The following MCUB variants were observed in gnomAD, a reference collection of about 807,000 sequenced individuals.
The protein encoded by MCUB is calcium uniporter regulatory subunit MCUb, mitochondrial.
A neutral mutation model predicts 41.4 loss-of-function variants in MCUB; 46 were observed. The observed-to-expected ratio is 1.11, with a 90% confidence interval of 0.88 to 1.42. MCUB has a LOEUF of 1.42. Ranked by LOEUF, MCUB falls within the 40% of genes most tolerant of loss-of-function variation. The pLI is 0.00. For missense variants in MCUB, 403 were observed against 404.9 expected (o/e 1.00, Z 0.04); for synonymous variants, 148 against 148.2 (o/e 1.00, Z 0.01).
chr4:109,675,272 C>T (rs1197244171), intron 4 of MCUB, among the ~76,000 whole-genome samples: 3 of 152,198 alleles, frequency 2.0e-5, no homozygotes, highest in Admixed American at 6.5e-5. Context: ...ATAAACATTT[C>T]GTGCCACTTG....
intron 2 of MCUB, 61 bp from the exon 3 acceptor site, chr4:109,660,134 G>A: frequency 1.2e-6 from 1 of 825,380 alleles, no homozygotes; most frequent in Non-Finnish European, 1.9e-6. Context: ...TAGAATTCTT[G>A]TATTTATGGT....
intron 3 of MCUB, among the ~76,000 whole-genome samples, chr4:109,661,894 G>A (rs1050148003): frequency 1.3e-5 from 2 of 152,164 alleles, no homozygotes; most frequent in African/African-American, 2.4e-5. Context: ...TTAGCCAGGT[G>A]TAGTGTTGCA....
intron 1 of MCUB, 135 bp from the exon 2 acceptor site, chr4:109,658,876 G>A: frequency 1.5e-6 from 1 of 648,986 alleles, no homozygotes; most frequent in Non-Finnish European, 2.7e-6. Context: ...GCTCACCCTG[G>A]GATGCATGAC....
chr4:109,586,803 T>C (rs1727316911), intron 1 of MCUB, among the ~76,000 whole-genome samples: 1 of 152,194 alleles, frequency 6.6e-6, no homozygotes, highest in Non-Finnish European at 1.5e-5. Flanking sequence ...ACAGCAAATA[T>C]TGCTGCCTGA....
chr4:109,587,097 C>T lies in MCUB; in HGVS notation c.99+26661C>T, dbSNP rs564465055. ...TACAGAGGCAGCAGGCCTTGCTGAGCTGCGGTGGGCTCTGCCCAGTTTGAG... is the reference window on the plus strand; with the variant it reads ...TACAGAGGCAGCAGGCCTTGCTGAGTTGCGGTGGGCTCTGCCCAGTTTGAG... On this transcript the variant is annotated intron_variant, in intron 1 of 7. Coordinates refer to ENST00000394650, the MANE Select transcript of MCUB (RefSeq NM_017918.5). Among the ~76,000 whole-genome samples the T allele has an allele frequency of 2.6e-5, 4 of 152,352 alleles. No homozygotes were observed. The South Asian group carries it at 6.2e-4, about 24-fold the overall frequency.
At chr4:109,641,253 C>T (rs974842554) in intron 1 of MCUB, among the ~76,000 whole-genome samples, 1 of 145,420 alleles carries the variant, frequency 6.9e-6, no homozygotes, top group African/African-American at 2.6e-5. Context: ...CCATAACACC[C>T]GGCTACTTTT....
At chr4:109,664,000 T>G (rs1561246131) in intron 3 of MCUB, among the ~76,000 whole-genome samples, 1 of 152,206 alleles carries the variant, frequency 6.6e-6, no homozygotes, top group Non-Finnish European at 1.5e-5. Flanking sequence ...TTTGCATGAC[T>G]CTCCACAGAT....
chr4:109,666,176 G>GT (rs1168508860), intron 4 of MCUB, among the ~76,000 whole-genome samples: 1 of 152,144 alleles, frequency 6.6e-6, no homozygotes, highest in Non-Finnish European at 1.5e-5. Flanking sequence ...TTCATTATCT[G>GT]TATGTACCAC....
intron 1 of MCUB, among the ~76,000 whole-genome samples, chr4:109,625,372 G>A (rs773473467): frequency 2.6e-5 from 4 of 152,244 alleles, no homozygotes; most frequent in Non-Finnish European, 5.9e-5. Context: ...GCATTCACCT[G>A]TGTATGTTAC....
At chr4:109,615,574 A>AT (rs918909238) in intron 1 of MCUB, among the ~76,000 whole-genome samples, 5 of 151,300 alleles carry the variant, frequency 3.3e-5, no homozygotes, top group African/African-American at 4.9e-5. Flanking sequence ...CGCCCGGCTA[A>AT]TTTTTTTTGT....
chr4:109,607,772 A>G (rs544222018), intron 1 of MCUB, among the ~76,000 whole-genome samples: 3 of 152,220 alleles, frequency 2.0e-5, no homozygotes, highest in South Asian at 2.1e-4. Flanking sequence ...TTGGAACTCT[A>G]TTGTATGTTA....
At chr4:109,643,025 C>G (rs1157739293) in intron 1 of MCUB, among the ~76,000 whole-genome samples, 2 of 151,240 alleles carry the variant, frequency 1.3e-5, no homozygotes, top group Non-Finnish European at 2.9e-5. Context: ...AAACTCCTGA[C>G]CTGGTGATCC....
chr4:109,569,642 T>TACAG (rs1298256420), intron 1 of MCUB, among the ~76,000 whole-genome samples: 2 of 151,916 alleles, frequency 1.3e-5, no homozygotes, highest in African/African-American at 2.4e-5. Flanking sequence ...TAGCTGGGAT[T>TACAG]ACAGGTGCCT....
chr4:109,685,309 C>T lies in MCUB; in HGVS notation c.875C>T (p.Ser292Leu). ...RQFLQFFHKK[S>L]KQQHFDVQQY... Reference sequence around the variant, plus strand: ...TTTCTTCAGTTCTTCCACAAGAAATCAAAGCAACAGCACTTTGATGTGCAG... The same window carrying T: ...TTTCTTCAGTTCTTCCACAAGAAATTAAAGCAACAGCACTTTGATGTGCAG... Residue 292 changes from serine to leucine, a missense_variant, in exon 7 of 8, where the codon TCA becomes TTA. By Grantham distance (145) the Ser-to-Leu change is moderately radical. Transcript: ENST00000394650. 6.3e-7 allele frequency: 1 copy of T among 1,594,750 alleles called. No homozygotes were observed. The highest frequency in any genetic ancestry group is 8.6e-7 in the Non-Finnish European group (1 of 1,163,180).
chr4:109,561,595 CTT>C (rs1283867412), intron 1 of MCUB, among the ~76,000 whole-genome samples: 1 of 152,160 alleles, frequency 6.6e-6, no homozygotes, highest in Admixed American at 6.5e-5. Context: ...AAATGGTAGA[CTT>C]ATAAAGTCAT....
chr4:109,622,013 C>T (rs1429375352), intron 1 of MCUB, among the ~76,000 whole-genome samples: 1 of 152,152 alleles, frequency 6.6e-6, no homozygotes, highest in Non-Finnish European at 1.5e-5. Context: ...TCCCAAGTAG[C>T]TGGGATTACA....
chr4:109,641,459 G>A (rs1728714887), intron 1 of MCUB, among the ~76,000 whole-genome samples: 1 of 151,928 alleles, frequency 6.6e-6, no homozygotes, highest in Admixed American at 6.6e-5. Flanking sequence ...CATGTTTCCT[G>A]GTGCCCCAAA....
intron 4 of MCUB, among the ~76,000 whole-genome samples, chr4:109,665,990 GA>G (rs1729338688): frequency 6.6e-6 from 1 of 151,838 alleles, no homozygotes; most frequent in Admixed American, 6.6e-5. Context: ...GAAGAAGGGG[GA>G]AAGGAAGAGA....
At chr4:109,654,952 A>G (rs935192164) in intron 1 of MCUB, among the ~76,000 whole-genome samples, 5 of 152,118 alleles carry the variant, frequency 3.3e-5, no homozygotes, top group East Asian at 3.9e-4. Context: ...ATCAGATCCC[A>G]CAAGTTAATA....
Sources: allele counts gnomAD v4.1 joint callset (sites outside exome capture counted in the v4.1 genomes callset), GRCh38; gene constraint gnomAD v4.1.1; transcripts MANE v1.5; gene names NCBI Gene and HGNC (gene_info 2026-07-23, HGNC 2026-07-21).